ZNF273: variants seen among roughly 807,000 people sequenced by gnomAD.
ZNF273 encodes zinc finger protein 9.
Under a neutral mutation model 14.9 loss-of-function variants are expected in ZNF273, and 11 were observed. The observed-to-expected ratio is 0.74, with a 90% confidence interval of 0.46 to 1.22. The LOEUF is 1.22. ZNF273 is among the 50% of genes most tolerant of loss of function. The pLI is 0.00. For synonymous variants in ZNF273, 199 were observed against 223.9 expected (o/e 0.89, Z 0.99); for missense variants, 577 against 660.6 (o/e 0.87, Z 1.39).
chr7:64,889,544 C>G (rs751881056), downstream of ZNF273: 1 of 985,792 alleles, frequency 1.0e-6, no homozygotes, highest in Middle Eastern at 5.2e-4. The surrounding 1 kb of genome is among the most constrained non-coding windows in gnomAD (Gnocchi z 4.2). Flanking sequence ...ACGCGGTCCT[C>G]TACGGTCTCC....
Position 64,927,773 on chromosome 7 carries a change from G to C in ZNF273, c.445G>C (p.Gly149Arg), listed in dbSNP as rs774652844. 1.9e-6 allele frequency: 3 copies of C among 1,613,624 alleles called. No individual in the cohort carries two copies. The highest frequency in any genetic ancestry group is 2.7e-5 in the African/African-American group (2 of 74,870). ...YGHENLQLRK[G>R]CKSADEHKVH... Reference sequence around the variant, plus strand: ...ACATGAGAATTTACAATTAAGAAAAGGCTGTAAAAGTGCGGATGAGCATAA... The same window carrying C: ...ACATGAGAATTTACAATTAAGAAAACGCTGTAAAAGTGCGGATGAGCATAA... The change falls in exon 4 of 4, where the codon GGC becomes CGC. Residue 149 changes from glycine to arginine, a missense_variant. Transcript: ENST00000476120.
chr7:64,916,863 T>C (rs1334523345), intron 1 of ZNF273, among the ~76,000 whole-genome samples: 1 of 151,412 alleles, frequency 6.6e-6, no homozygotes, highest in Non-Finnish European at 1.5e-5. Flanking sequence ...CTGACAGATT[T>C]ATTTTTCTTA....
At chr7:64,906,455 T>C (rs752492807) in intron 1 of ZNF273, among the ~76,000 whole-genome samples, 1 of 152,206 alleles carries the variant, frequency 6.6e-6, no homozygotes, top group Non-Finnish European at 1.5e-5. Context: ...CTTCCCCTTA[T>C]ATGATCACTG....
intron 1 of ZNF273, chr7:64,916,986 T>C (rs1381514795): frequency 1.6e-6 from 2 of 1,258,426 alleles, no homozygotes; most frequent in African/African-American, 3.1e-5. Context: ...TTCCTTTGTA[T>C]ATATTTGTCT....
intron 3 of ZNF273, among the ~76,000 whole-genome samples, chr7:64,897,133 T>G (rs1156426536): frequency 6.6e-6 from 1 of 152,174 alleles, no homozygotes; most frequent in Admixed American, 6.5e-5. Flanking sequence ...GGGTCTTCCC[T>G]ATGTCTCTTA....
rs149469267 is a variant in ZNF273 at position 64,927,712 on chromosome 7, T to A, written c.384T>A (p.Phe128Leu). Reference protein sequence around the residue: ...LWPKQGLKDSFQKVILRRYGK... With the variant: ...LWPKQGLKDSLQKVILRRYGK... ...CAAAGCAGGGCTTAAAAGATTCTTT[T>A]CAAAAAGTGATACTGAGAAGATATG... Residue 128 changes from phenylalanine (F) to leucine (L), a missense_variant, in exon 4 of 4, where the codon TTT (phenylalanine) becomes TTA (leucine). By Grantham distance (22) the Phe-to-Leu change is conservative. Around this residue, in one of 3 missense-constraint regions of ZNF273, gnomAD observed 162 missense variants for 203.5 expected, o/e 0.80. Transcript: ENST00000476120. 1,437 of 1,605,468 alleles carry A rather than the reference T, an allele frequency of 9.0e-4. 17 individuals are homozygous for A. Among genetic ancestry groups the A allele is most frequent in the Non-Finnish European group, 1.7e-4 (195 of 1,177,698 alleles).
chr7:64,904,902 TC>T (rs1202801170), intron 1 of ZNF273, among the ~76,000 whole-genome samples: 1 of 152,142 alleles, frequency 6.6e-6, no homozygotes, highest in African/African-American at 2.4e-5. Context: ...TGCTGTTTCC[TC>T]AGCCACTCCT....
In ZNF273 at chr7:64,929,191, G is replaced by A. The variant is rs1794915594; in HGVS notation, c.*153G>A. 1.0e-5 allele frequency: 2 copies of A among 192,484 alleles called. No homozygotes were observed. The highest frequency in any genetic ancestry group is 9.9e-5 in the African/African-American group (2 of 20,206). The allele number at this position is 192,484 out of a possible 1,614,324, so 11.9% of individuals were successfully genotyped here. On this transcript the variant is annotated 3_prime_UTR_variant, in exon 4 of 4. Coordinates refer to ENST00000476120, the MANE Select transcript of ZNF273 (RefSeq NM_021148.3). Reference sequence around the variant, plus strand: ...GAAAAATTGTATAAAGAATGGAAAAGTCATTAATATCTGCTCATATCTTAA... The same window carrying A: ...GAAAAATTGTATAAAGAATGGAAAAATCATTAATATCTGCTCATATCTTAA...
intron 1 of ZNF273, among the ~76,000 whole-genome samples, chr7:64,905,179 G>A (rs1793013141): frequency 7.0e-6 from 1 of 141,906 alleles, no homozygotes; most frequent in African/African-American, 2.6e-5. Context: ...GCAATGGGGC[G>A]ATCGTGGCTC....
At chr7:64,935,798 A>C (rs561772769), downstream of ZNF273, among the ~76,000 whole-genome samples, 6 of 152,294 alleles carry the variant, frequency 3.9e-5, 1 homozygote, top group South Asian at 1.2e-3. Flanking sequence ...TTGGGATTAC[A>C]GGGGTGAATG....
chr7:64,904,488 T>C (rs56063644), intron 1 of ZNF273, among the ~76,000 whole-genome samples: 63,397 of 151,922 alleles, frequency 0.42, 13,611 homozygotes, highest in Non-Finnish European at 0.46. Flanking sequence ...CTACAGGGGA[T>C]AGATTTTCCC....
downstream of ZNF273, chr7:64,889,639 G>A (rs1791846291): frequency 2.0e-6 from 2 of 986,024 alleles, no homozygotes; most frequent in African/African-American, 3.5e-5. This position sits in a 1 kb window ranked among gnomAD's most constrained non-coding sequence, Gnocchi z 4.2. Context: ...GCTGCTGACC[G>A]GAGCCGCCTG....
At chr7:64,877,877 AC>A (rs1791156687) in intron 1 of ZNF273, 1 of 152,228 alleles carries the variant, frequency 6.6e-6, no homozygotes, top group South Asian at 2.1e-4. Flanking sequence ...ATTTCTAGGT[AC>A]AGCCTGCTTG....
chr7:64,893,736 C>T (rs1490281495), downstream of ZNF273: 1 of 130,724 alleles, frequency 7.6e-6, no homozygotes, highest in African/African-American at 2.8e-5. Context: ...CCCTTCCTCT[C>T]TCACAAAACA....
chr7:64,893,769 G>T (rs1394703102), downstream of ZNF273: 1 of 149,854 alleles, frequency 6.7e-6, no homozygotes, highest in Non-Finnish European at 1.5e-5. Flanking sequence ...GGACAGCAGC[G>T]TACATGGTGA....
chr7:64,878,193 G>A (rs1791164768), intron 1 of ZNF273, among the ~76,000 whole-genome samples: 1 of 151,290 alleles, frequency 6.6e-6, no homozygotes, highest in Non-Finnish European at 1.5e-5. Context: ...TGTTTTTCCC[G>A]TGTTTCCTGA....
intron 1 of ZNF273, among the ~76,000 whole-genome samples, chr7:64,887,947 G>A (rs1472392068): frequency 6.6e-6 from 1 of 152,074 alleles, no homozygotes; most frequent in African/African-American, 2.4e-5. Flanking sequence ...TCCTGATGGG[G>A]GAAGCAGGAA....
intron 3 of ZNF273, among the ~76,000 whole-genome samples, chr7:64,919,245 A>G (rs1462265475): frequency 1.3e-5 from 2 of 152,200 alleles, no homozygotes; most frequent in East Asian, 3.8e-4. Flanking sequence ...TTGAATCTGT[A>G]GGTCACTTTG....
chr7:64,884,444 C>T (rs1436335430), downstream of ZNF273, among the ~76,000 whole-genome samples: 1 of 152,172 alleles, frequency 6.6e-6, no homozygotes, highest in East Asian at 1.9e-4. Flanking sequence ...TCACCCCAGA[C>T]GGTTTCTGAA....
Sources: allele counts gnomAD v4.1 joint callset (sites outside exome capture counted in the v4.1 genomes callset), GRCh38; gene constraint gnomAD v4.1.1; regional missense constraint gnomAD v4.1.1; non-coding constraint Gnocchi (gnomAD v3.1); transcripts MANE v1.5; gene names NCBI Gene and HGNC (gene_info 2026-07-23, HGNC 2026-07-21).